The following PGBD5 variants were observed in gnomAD, a reference collection of about 807,000 sequenced individuals.
PGBD5 encodes the protein piggyBac transposable element derived 5.
In PGBD5, 14 loss-of-function variants were observed where a neutral mutation model predicts 47.9. The observed-to-expected ratio is 0.29, with a 90% CI of 0.19 to 0.46. PGBD5 has a LOEUF of 0.46. Among genes scored for constraint, PGBD5 ranks in the 20% least tolerant of loss-of-function variants. The pLI is 1.00. For synonymous variants in PGBD5, 316 were observed against 306.3 expected (o/e 1.03, Z -0.33); for missense variants, 635 against 716.0 (o/e 0.89, Z 1.29).
intron 4 of PGBD5, among the ~76,000 whole-genome samples, chr1:230,335,810 C>CACACACACAGACAG (rs1558192833): frequency 1.9e-5 from 1 of 51,334 alleles, no homozygotes; most frequent in African/African-American, 4.9e-5. Flanking sequence ...GACACACAGA[C>CACACACACAGACAG]ACATACACTG....
chr1:230,325,487 C>G, intron 5 of PGBD5, 72 bp from the exon 6 acceptor site: 1 of 1,053,812 alleles, frequency 9.5e-7, no homozygotes, highest in Non-Finnish European at 1.4e-6. Context: ...ATGTGCCTAT[C>G]TTCGTCCAGC....
At chr1:230,331,454 A>G (rs1667213570) in intron 5 of PGBD5, among the ~76,000 whole-genome samples, 1 of 152,052 alleles carries the variant, frequency 6.6e-6, no homozygotes, top group Non-Finnish European at 1.5e-5. Context: ...GGTAGGAAGC[A>G]GTTCCTGCCC....
At chr1:230,424,749 G>A (rs573861774) in intron 1 of PGBD5, among the ~76,000 whole-genome samples, 1 of 152,350 alleles carries the variant, frequency 6.6e-6, no homozygotes, top group African/African-American at 2.4e-5. Flanking sequence ...ATACCAGCAT[G>A]AGAGGGCGGC....
intron 2 of PGBD5, among the ~76,000 whole-genome samples, chr1:230,351,980 G>A (rs537954217): frequency 2.0e-5 from 3 of 152,276 alleles, no homozygotes; most frequent in South Asian, 4.2e-4. Context: ...CTTCAGGAAC[G>A]TGCTACACTT....
intron 3 of PGBD5, 96 bp from the exon 4 acceptor site, chr1:230,337,384 T>C: frequency 1.6e-6 from 2 of 1,220,422 alleles, no homozygotes; most frequent in South Asian, 1.6e-5. Flanking sequence ...GTCTCAGTCA[T>C]CCAGTTGGGA....
At position 230,357,384 on chromosome 1, in the gene PGBD5, G is replaced by T; in HGVS notation, c.332-63C>A. 1 of 1,539,174 alleles carries T rather than the reference G, an allele frequency of 6.5e-7. No homozygotes were observed. The highest frequency in any genetic ancestry group is 1.2e-5 in the South Asian group (1 of 81,600). On this transcript the variant is annotated intron_variant, in intron 1 of 6. Transcript: ENST00000391860. This position sits in a 1 kb window ranked among gnomAD's most constrained non-coding sequence, Gnocchi z 5.7. ...GCCGCCACACCCTGACTCGACACGA[G>T]AACGGCTGCATTTCCAATCCCTGGG...
chr1:230,424,389 CTG>C (rs1303118622), intron 1 of PGBD5, among the ~76,000 whole-genome samples: 1 of 152,224 alleles, frequency 6.6e-6, no homozygotes, highest in Non-Finnish European at 1.5e-5. Context: ...GCACAGCTAA[CTG>C]TGACTTTGCA....
rs192977353 is a variant in PGBD5 at position 230,315,915 on chromosome 1, T to C, written c.*7510A>G. The C allele has an allele frequency of 2.0e-5, 3 of 149,656 alleles. 1 individual carries two copies. The East Asian group carries it at 5.9e-4, about 30-fold the overall frequency. The allele number at this position is 149,656 out of a possible 1,614,324, so 9.3% of individuals were successfully genotyped here. On this transcript the variant is annotated 3_prime_UTR_variant, in exon 7 of 7. Transcript: ENST00000391860. ...ATTTATGTGTACACATATATGTATA[T>C]GTGTATATGTGTACACATATATGTA... is the stretch of plus-strand genomic sequence containing the variant.
Position 230,318,622 on chromosome 1 carries a change from C to G in PGBD5, c.*4803G>C, listed in dbSNP as rs1379742799. The stretch of plus-strand genomic sequence containing the variant: ...CCACAGCCAAAGCTTGGCAAGCCCT[C>G]GCTTAAGGAAGAGGGACCAGAACCA... On this transcript the variant is annotated 3_prime_UTR_variant, in exon 7 of 7. Coordinates refer to ENST00000391860, the MANE Select transcript of PGBD5 (RefSeq NM_001258311.2). 1 of 152,244 alleles carries G rather than the reference C, an allele frequency of 6.6e-6. No individual in the cohort carries two copies. The highest frequency in any genetic ancestry group is 1.9e-4 in the East Asian group (1 of 5,192). 9.4% of individuals were successfully genotyped at this position (152,244 alleles called of 1,614,324 possible). A position where few individuals can be genotyped will look rare whatever the true frequency, so the allele number is the denominator to read the frequency against.
intron 4 of PGBD5, among the ~76,000 whole-genome samples, chr1:230,335,168 GACAC>G (rs1212798551): frequency 1.2e-5 from 1 of 84,366 alleles, no homozygotes; most frequent in African/African-American, 4.8e-5. Context: ...GACACACACA[GACAC>G]ACAGACACAC....
At chr1:230,368,016 A>G in intron 1 of PGBD5, 4 of 1,367,394 alleles carry the variant, frequency 2.9e-6, no homozygotes, top group Non-Finnish European at 3.9e-6. Flanking sequence ...CCCACGCCAC[A>G]CCACACCCCA....
rs1378713599 is a variant in PGBD5 at position 230,321,491 on chromosome 1, A to T, written c.*1934T>A. On this transcript the variant is annotated 3_prime_UTR_variant, in exon 7 of 7. Coordinates refer to ENST00000391860, the MANE Select transcript of PGBD5 (RefSeq NM_001258311.2). ...CCTAATTCTTGTATTTTTTGTAGAA[A>T]TGGGCTTTCGCCATGTTGCCAATGC... The T allele has an allele frequency of 1.3e-5, 2 of 152,218 alleles. No individual in the cohort carries two copies. The highest frequency in any genetic ancestry group is 4.8e-5 in the African/African-American group (2 of 41,438). The allele number at this position is 152,218 out of a possible 1,614,324, so 9.4% of individuals were successfully genotyped here. A position where few individuals can be genotyped will look rare whatever the true frequency, so the allele number is the denominator to read the frequency against.
At chr1:230,394,633 T>A (rs1558209823) in intron 1 of PGBD5, among the ~76,000 whole-genome samples, 1 of 124,612 alleles carries the variant, frequency 8.0e-6, no homozygotes, top group Admixed American at 8.7e-5. Flanking sequence ...CCTACCCTCC[T>A]CCCCTCCACT....
In PGBD5 at chr1:230,425,658, C is replaced by G. The variant is rs1296413101; in HGVS notation, c.271G>C (p.Gly91Arg). The G allele has an allele frequency of 1.6e-5, 19 of 1,219,728 alleles. No homozygotes were observed. The highest frequency in any genetic ancestry group is 1.9e-5 in the Non-Finnish European group (19 of 980,306). The allele number at this position is 1,219,728 out of a possible 1,614,324, so 75.6% of individuals were successfully genotyped here. Residue 91 changes from glycine (G) to arginine (R), a missense_variant, in exon 1 of 7, where the codon GGC becomes CGC. By Grantham distance (125) the Gly-to-Arg change is moderately radical. Coordinates refer to ENST00000391860, the MANE Select transcript of PGBD5 (RefSeq NM_001258311.2). The surrounding 1 kb of genome is among the most constrained non-coding windows in gnomAD (Gnocchi z 4.7). ...CGCAGCGCTGCGCTCCAGCCCGCGC[C>G]GGCCTCGTCCTCCTCCGGCTCCTGT... is the stretch of plus-strand genomic sequence containing the variant. The part of the protein sequence containing the change: ...DAQEPEEDEA[G>R]AGWSAALRDR...
intron 5 of PGBD5, among the ~76,000 whole-genome samples, chr1:230,325,953 A>G (rs2102811062): frequency 6.6e-6 from 1 of 151,798 alleles, no homozygotes; most frequent in East Asian, 1.9e-4. Flanking sequence ...AGAGCACTAG[A>G]CCTCACTCCT....
At chr1:230,390,316 A>G (rs1223988183) in intron 1 of PGBD5, among the ~76,000 whole-genome samples, 1 of 152,116 alleles carries the variant, frequency 6.6e-6, no homozygotes, top group Non-Finnish European at 1.5e-5. Context: ...ACAGCCTTCC[A>G]TCAGAGCTGG....
In PGBD5 at chr1:230,359,093, T is replaced by G. The variant is rs192391041; in HGVS notation, c.332-1772A>C. Among the ~76,000 whole-genome samples the G allele has an allele frequency of 2.1e-4, 32 of 151,308 alleles. No individual in the cohort carries two copies. The East Asian group carries it at 5.8e-3, about 28-fold the overall frequency. On this transcript the variant is annotated intron_variant, in intron 1 of 6. Transcript: ENST00000391860. Reference sequence around the variant, plus strand: ...TTTTCTTTTTTTTTTTGAGATGGAGTCTCTGTCACCCAGGCTAGAGTGCAC... The same window carrying G: ...TTTTCTTTTTTTTTTTGAGATGGAGGCTCTGTCACCCAGGCTAGAGTGCAC...
intron 3 of PGBD5, among the ~76,000 whole-genome samples, chr1:230,349,124 T>C (rs1361122524): frequency 6.6e-6 from 1 of 152,230 alleles, no homozygotes; most frequent in African/African-American, 2.4e-5. Context: ...GAGAGATCTG[T>C]GGCCTTGGCC....
intron 1 of PGBD5, among the ~76,000 whole-genome samples, chr1:230,387,617 T>C (rs1426018414): frequency 2.6e-5 from 4 of 152,180 alleles, no homozygotes; most frequent in Admixed American, 2.6e-4. Context: ...CTCTATGCAA[T>C]ACTTTCCAGC....
Sources: gnomAD v4.1 joint callset for allele counts (sites outside exome capture counted in the v4.1 genomes callset) on GRCh38, gnomAD v4.1.1 for gene constraint, Gnocchi (gnomAD v3.1) non-coding constraint, MANE v1.5 for transcripts, NCBI Gene and HGNC (gene_info 2026-07-23, HGNC 2026-07-21) for gene names.